Variants in HIPK2 observed in about 807,000 individuals in gnomAD.
HIPK2 encodes the protein homeodomain interacting protein kinase 2.
Under a neutral mutation model 113.7 loss-of-function variants are expected in HIPK2, and 27 were observed. The ratio of observed to expected loss-of-function variants is 0.24; its 90% CI spans 0.17 to 0.33. The LOEUF is 0.33. Among genes scored for constraint, HIPK2 ranks in the 10% least tolerant of loss-of-function variants. The pLI, the probability that HIPK2 is intolerant of heterozygous loss-of-function variation, is 1.00. For missense variants in HIPK2, 1,257 were observed against 1,588.0 expected (o/e 0.79, Z 3.54); for synonymous variants, 631 against 642.2 (o/e 0.98, Z 0.26).
At chr7:139,674,552 C>T (rs999624750) in intron 2 of HIPK2, among the ~76,000 whole-genome samples, 1 of 83,674 alleles carries the variant, frequency 1.2e-5, no homozygotes, top group Non-Finnish European at 2.8e-5. Context: ...AGCAGACAGG[C>T]TACGTGGGAA....
chr7:139,636,171 A>G (rs1800806142), intron 2 of HIPK2, among the ~76,000 whole-genome samples: 1 of 152,010 alleles, frequency 6.6e-6, no homozygotes, highest in Non-Finnish European at 1.5e-5. Context: ...CACGCGGGTG[A>G]TCATTCCTTC....
intron 2 of HIPK2, among the ~76,000 whole-genome samples, chr7:139,713,479 T>C (rs1361444727): frequency 6.6e-6 from 1 of 152,126 alleles, no homozygotes; most frequent in African/African-American, 2.4e-5. Context: ...AAGCGTCACA[T>C]GGGCACCAGA....
chr7:139,639,076 C>T (rs1348462923), intron 2 of HIPK2, among the ~76,000 whole-genome samples: 2 of 152,174 alleles, frequency 1.3e-5, no homozygotes, highest in Non-Finnish European at 2.9e-5. Context: ...GAAGCTGCTT[C>T]GTAAACAGCT....
At chr7:139,671,343 C>T (rs1038282904) in intron 2 of HIPK2, among the ~76,000 whole-genome samples, 1 of 152,114 alleles carries the variant, frequency 6.6e-6, no homozygotes, top group Non-Finnish European at 1.5e-5. Context: ...TAGAAAACAA[C>T]ACTGGTGAAC....
At chr7:139,762,272 GAAC>G (rs567632177) in intron 1 of HIPK2, among the ~76,000 whole-genome samples, 85 of 152,326 alleles carry the variant, frequency 5.6e-4, no homozygotes, top group African/African-American at 1.9e-3. Flanking sequence ...ACTGTAGAAA[GAAC>G]AACAACTAGC....
At chr7:139,748,231 C>G (rs1796223441) in intron 1 of HIPK2, among the ~76,000 whole-genome samples, 1 of 152,130 alleles carries the variant, frequency 6.6e-6, no homozygotes. Flanking sequence ...TTGGAACCCT[C>G]AGCCCTACAT....
intron 12 of HIPK2, among the ~76,000 whole-genome samples, chr7:139,596,308 T>C (rs537031675): frequency 2.0e-5 from 3 of 152,346 alleles, no homozygotes; most frequent in East Asian, 1.9e-4. Context: ...TTCTGATTAA[T>C]TGGACAATTA....
chr7:139,603,062 G>A (rs1799492700), intron 10 of HIPK2, among the ~76,000 whole-genome samples: 1 of 152,088 alleles, frequency 6.6e-6, no homozygotes, highest in Non-Finnish European at 1.5e-5. Context: ...ACTCTGTACT[G>A]GGCAGAAAAT....
At chr7:139,687,022 C>G (rs1399964655) in intron 2 of HIPK2, among the ~76,000 whole-genome samples, 1 of 152,202 alleles carries the variant, frequency 6.6e-6, no homozygotes, top group Non-Finnish European at 1.5e-5. Flanking sequence ...GAGGTAAGAC[C>G]CTCCAACCAG....
In HIPK2 at chr7:139,714,687, T is replaced by C. The variant is rs1179532485; in HGVS notation, c.1103+1245A>G. On this transcript the variant is annotated intron_variant, in intron 2 of 14. Coordinates refer to ENST00000406875, the MANE Select transcript of HIPK2 (RefSeq NM_022740.5). The surrounding 1 kb of genome is among the most constrained non-coding windows in gnomAD (Gnocchi z 4.2). ...GGGGACCCCGGTCTTCCTGCCTACGTGGCACGCTCTTAAATGTGCATCCGT... is the reference window on the plus strand; with the variant it reads ...GGGGACCCCGGTCTTCCTGCCTACGCGGCACGCTCTTAAATGTGCATCCGT... 1.3e-5 allele frequency among the ~76,000 whole-genome samples: 2 copies of C among 152,206 alleles called. No individual in the cohort carries two copies.
intron 1 of HIPK2, among the ~76,000 whole-genome samples, chr7:139,743,605 AC>A (rs1278291515): frequency 2.0e-5 from 3 of 152,090 alleles, no homozygotes; most frequent in African/African-American, 7.2e-5. Flanking sequence ...AAAAAATGAG[AC>A]TTGGTAGTAG....
rs73474123 is a variant in HIPK2, at chr7:139,747,245, C to T, written c.20-30230G>A. ...GAGGCAGGGTGGCAACTGTGAAGAA[C>T]GCAGAGGTGGCTGAGCCTCAGTAGC... On this transcript the variant is annotated intron_variant, in intron 1 of 14. Coordinates refer to ENST00000406875, the MANE Select transcript of HIPK2 (RefSeq NM_022740.5). Among the ~76,000 whole-genome samples, 537 of 152,274 alleles carry T rather than the reference C, an allele frequency of 3.5e-3. 2 individuals are homozygous for T. Among genetic ancestry groups the T allele is most frequent in the African/African-American group, 0.012 (494 of 41,554 alleles).
intron 1 of HIPK2, among the ~76,000 whole-genome samples, chr7:139,766,241 A>G (rs1796551257): frequency 6.6e-6 from 1 of 152,246 alleles, no homozygotes; most frequent in Non-Finnish European, 1.5e-5. Context: ...CAATGAATTC[A>G]CACATGTAAA....
chr7:139,660,159 G>A (rs891361972), intron 2 of HIPK2, among the ~76,000 whole-genome samples: 3 of 152,196 alleles, frequency 2.0e-5, no homozygotes, highest in Non-Finnish European at 2.9e-5. Context: ...CTGGTCAAGG[G>A]TGTTATTGTC....
intron 1 of HIPK2, among the ~76,000 whole-genome samples, chr7:139,748,900 G>A (rs1462728615): frequency 6.6e-6 from 1 of 152,088 alleles, no homozygotes; most frequent in Non-Finnish European, 1.5e-5. Flanking sequence ...GAAATTACTG[G>A]CTACTCAGCT....
At chr7:139,680,042 C>T (rs954060331) in intron 2 of HIPK2, among the ~76,000 whole-genome samples, 26 of 152,244 alleles carry the variant, frequency 1.7e-4, no homozygotes, top group Admixed American at 7.2e-4. Context: ...TACAAGGAGG[C>T]CGGAAGGCCG....
chr7:139,578,476 C>G lies in HIPK2; in HGVS notation c.2966-3188G>C, dbSNP rs189394972. On this transcript the variant is annotated intron_variant, in intron 13 of 14. Coordinates refer to ENST00000406875, the MANE Select transcript of HIPK2 (RefSeq NM_022740.5). ...ACTGATTCTTAGTCTAAGAACCAGA[C>G]TGAGGAAGACTTTGCCCAGGAAAAA... 2.5e-3 allele frequency among the ~76,000 whole-genome samples: 385 copies of G among 152,214 alleles called. 2 individuals are homozygous for G. The highest frequency in any genetic ancestry group is 9.0e-3 in the African/African-American group (372 of 41,544).
chr7:139,684,698 CAG>C (rs574223670), intron 2 of HIPK2, among the ~76,000 whole-genome samples: 1,636 of 152,306 alleles, frequency 0.011, 8 homozygotes, highest in Non-Finnish European at 0.018. Flanking sequence ...GCCTGGACAA[CAG>C]AGAGAGACTG....
At chr7:139,699,089 G>A (rs1794637776) in intron 2 of HIPK2, among the ~76,000 whole-genome samples, 1 of 152,070 alleles carries the variant, frequency 6.6e-6, no homozygotes, top group Non-Finnish European at 1.5e-5. Context: ...CTGCTTGACT[G>A]AGGGCGGCCC....
Sources: allele counts gnomAD v4.1 joint callset (sites outside exome capture counted in the v4.1 genomes callset), GRCh38; gene constraint gnomAD v4.1.1; non-coding constraint Gnocchi (gnomAD v3.1); transcripts MANE v1.5; gene names NCBI Gene and HGNC (gene_info 2026-07-23, HGNC 2026-07-21).